CAST: variants seen among roughly 807,000 people sequenced by gnomAD.
CAST encodes the protein calpastatin.
CAST carries 76 observed loss-of-function variants against 119.6 expected under a neutral mutation model. The observed-to-expected ratio is 0.64, with a 90% CI of 0.53 to 0.77. The LOEUF (loss-of-function observed/expected upper bound fraction) is 0.77, where lower values mean the gene tolerates loss of function less well. Ranked by LOEUF, CAST falls within the 30% of genes least tolerant of loss-of-function variation. The pLI is 0.00. For missense variants in CAST, 953 were observed against 946.5 expected (o/e 1.01, Z -0.09); for synonymous variants, 319 against 331.6 (o/e 0.96, Z 0.41).
chr5:96,567,580 G>A (rs1408608482), intron 1 of CAST, among the ~76,000 whole-genome samples: 2 of 151,974 alleles, frequency 1.3e-5, no homozygotes, highest in Admixed American at 6.6e-5. Context: ...GTGTAAACAG[G>A]GACTTCCATT....
intron 2 of CAST, chr5:96,679,453 A>C (rs967265510): frequency 4.6e-5 from 7 of 152,216 alleles, no homozygotes; most frequent in Admixed American, 3.3e-4. Flanking sequence ...AGTCTTTCCA[A>C]ACCTGCAATC....
intron 1 of CAST, among the ~76,000 whole-genome samples, chr5:96,571,737 C>T (rs1359810860): frequency 6.6e-6 from 1 of 152,160 alleles, no homozygotes; most frequent in African/African-American, 2.4e-5. Flanking sequence ...TCTTGTGCCA[C>T]CTTCTATATC....
intron 2 of CAST, among the ~76,000 whole-genome samples, chr5:96,678,542 C>A (rs987755030): frequency 6.6e-6 from 1 of 152,046 alleles, no homozygotes; most frequent in Non-Finnish European, 1.5e-5. Context: ...GTTATATTGC[C>A]ATATATAAAA....
At chr5:96,360,838 C>T in the CAST span, among the ~76,000 whole-genome samples, 3,462 of 152,294 alleles carry the variant, frequency 0.023, 139 homozygotes, top group African/African-American at 0.078. Context: ...AGCAGTCTGT[C>T]CCTTAGCAGA....
chr5:96,243,948 T>A, the CAST span, among the ~76,000 whole-genome samples: 2 of 152,218 alleles, frequency 1.3e-5, no homozygotes, highest in Non-Finnish European at 2.9e-5. Context: ...ATGGATTAAG[T>A]GTGTTAATAA....
chr5:96,408,831 T>C, the CAST span, among the ~76,000 whole-genome samples: 1 of 152,236 alleles, frequency 6.6e-6, no homozygotes, highest in Non-Finnish European at 1.5e-5. Context: ...TAATATGTAG[T>C]TTGCACTCAC....
chr5:96,518,637 C>T, the CAST span, among the ~76,000 whole-genome samples: 55 of 152,262 alleles, frequency 3.6e-4, no homozygotes, highest in Middle Eastern at 0.024. Flanking sequence ...TCCTGGTGAC[C>T]GTAGCAGGCT....
chr5:96,585,015 GC>G (rs770442888), intron 1 of CAST: 3 of 152,404 alleles, frequency 2.0e-5, no homozygotes, highest in Non-Finnish European at 4.4e-5. Flanking sequence ...TTTGCAGAGA[GC>G]CAGCCCCAGC....
the CAST span, among the ~76,000 whole-genome samples, chr5:96,097,476 A>T: frequency 6.6e-6 from 1 of 151,752 alleles, no homozygotes; most frequent in African/African-American, 2.4e-5. Flanking sequence ...ATTTTTCCTG[A>T]TTCTTTCCCT....
At chr5:96,155,188 TG>T in the CAST span, among the ~76,000 whole-genome samples, 2 of 152,202 alleles carry the variant, frequency 1.3e-5, no homozygotes, top group Non-Finnish European at 2.9e-5. Context: ...TCTTACAATG[TG>T]CTTTCACCCA....
chr5:96,473,730 G>A, the CAST span, among the ~76,000 whole-genome samples: 1 of 152,178 alleles, frequency 6.6e-6, no homozygotes, highest in Non-Finnish European at 1.5e-5. Context: ...AGTCTCTCCT[G>A]GTTTCCGAGA....
At position 96,766,117 on chromosome 5, in the gene CAST, A is replaced by G; in HGVS notation, c.2102A>G (p.Tyr701Cys). Residue 701 changes from tyrosine (Y) to cysteine (C), a missense_variant, in exon 27 of 32, where the codon TAC becomes TGC. Physicochemically the swap from Tyr to Cys is radical, Grantham distance 194 (BLOSUM62 -2). Coordinates refer to ENST00000675179, the MANE Select transcript of CAST (RefSeq NM_001750.7). ...GERDDTIPPE[Y>C]RHLLDDNGQD... ...AGAGATGACACTATCCCACCTGAAT[A>G]CAGACATCTCCTGGATGATAATGGA... 1 of 1,609,802 alleles carries G rather than the reference A, an allele frequency of 6.2e-7. No homozygotes were observed. The highest frequency in any genetic ancestry group is 8.5e-7 in the Non-Finnish European group (1 of 1,176,550).
At chr5:96,412,763 T>TTTTTTTTTTTTTTTTTTTTTTTG in the CAST span, among the ~76,000 whole-genome samples, 1 of 144,506 alleles carries the variant, frequency 6.9e-6, no homozygotes, top group African/African-American at 2.8e-5. Flanking sequence ...TTTTTTTTTT[T>TTTTTTTTTTTTTTTTTTTTTTTG]TTTTTTTTTT....
chr5:96,013,617 C>T, the CAST span, among the ~76,000 whole-genome samples: 1 of 152,040 alleles, frequency 6.6e-6, no homozygotes, highest in East Asian at 1.9e-4. Flanking sequence ...GTACAAACAT[C>T]ATAGAGTATA....
the CAST span, among the ~76,000 whole-genome samples, chr5:96,110,396 A>G: frequency 2.0e-5 from 3 of 152,218 alleles, no homozygotes; most frequent in East Asian, 1.9e-4. Context: ...AGATCTGAAT[A>G]TACAAATCAT....
intron 1 of CAST, among the ~76,000 whole-genome samples, chr5:96,671,667 G>C (rs1284191527): frequency 6.6e-6 from 1 of 152,210 alleles, no homozygotes; most frequent in Non-Finnish European, 1.5e-5. Flanking sequence ...CAGATGCTTA[G>C]GAGGTGTTAA....
the CAST span, among the ~76,000 whole-genome samples, chr5:96,346,197 A>C: frequency 1.1e-3 from 164 of 152,276 alleles, 2 homozygotes; most frequent in South Asian, 0.034. Flanking sequence ...AGGAATAAAA[A>C]ATTTTGAAGA....
At chr5:96,499,041 A>G in the CAST span, among the ~76,000 whole-genome samples, 9 of 151,936 alleles carry the variant, frequency 5.9e-5, no homozygotes, top group South Asian at 1.5e-3. Flanking sequence ...AAAAAAAAAA[A>G]AAAGAAAAAA....
chr5:96,600,537 G>C (rs1362172047), intron 1 of CAST, among the ~76,000 whole-genome samples: 1 of 152,164 alleles, frequency 6.6e-6, no homozygotes. Flanking sequence ...ACCAAAGAGA[G>C]AAAAACAGTT....
Sources: allele counts gnomAD v4.1 joint callset (sites outside exome capture counted in the v4.1 genomes callset), GRCh38; gene constraint gnomAD v4.1.1; transcripts MANE v1.5; gene names NCBI Gene and HGNC (gene_info 2026-07-23, HGNC 2026-07-21).